AGAP1: variants seen among roughly 807,000 people sequenced by gnomAD.
AGAP1 encodes arf-GAP with GTPase, ANK repeat and PH domain-containing protein 1.
AGAP1 carries 29 observed loss-of-function variants against 105.3 expected under a neutral mutation model. That is an observed-to-expected ratio of 0.28 (90% CI 0.21 to 0.38). The LOEUF (loss-of-function observed/expected upper bound fraction) is 0.38, where lower values mean the gene tolerates loss of function less well. Among genes scored for constraint, AGAP1 ranks in the 10% least tolerant of loss-of-function variants. AGAP1 has a pLI of 1.00. For synonymous variants in AGAP1, 509 were observed against 485.9 expected (o/e 1.05, Z -0.63); for missense variants, 998 against 1,165.1 (o/e 0.86, Z 2.09).
chr2:235,763,057 T>TGTGTGCGCGCGCGC (rs953192018), intron 6 of AGAP1, among the ~76,000 whole-genome samples: 2 of 107,012 alleles, frequency 1.9e-5, no homozygotes, highest in South Asian at 2.5e-4. Context: ...TGTGTATGTG[T>TGTGTGCGCGCGCGC]GCGCGCGCGC....
chr2:236,065,282 G>A (rs183166977), intron 16 of AGAP1, among the ~76,000 whole-genome samples: 48 of 152,306 alleles, frequency 3.2e-4, no homozygotes, highest in African/African-American at 9.4e-4. Flanking sequence ...ACGTCCATTG[G>A]CTTTGAGTTA....
Position 235,707,472 on chromosome 2 carries a change from A to ACCCC in AGAP1, c.164-1696_164-1693dup, listed in dbSNP as rs1250772330. ...TTGCTGCACAGTTGCCCTCCCCATGACCCCCCCCCCCCCCGCCCAGAACAC... is the reference window on the plus strand; with the variant it reads ...TTGCTGCACAGTTGCCCTCCCCATGACCCCCCCCCCCCCCCCCCGCCCAGAACAC... On this transcript the variant is annotated intron_variant, in intron 1 of 17. Transcript: ENST00000304032. Among the ~76,000 whole-genome samples the ACCCC allele has an allele frequency of 9.5e-3, 212 of 22,408 alleles. 4 individuals carry two copies. The highest frequency in any genetic ancestry group is 0.015 in the Non-Finnish European group (110 of 7,450). The allele number at this position is 22,408 out of a possible 152,430, so 14.7% of individuals were successfully genotyped here.
chr2:235,785,765 A>C (rs1030739007), intron 6 of AGAP1, among the ~76,000 whole-genome samples: 5 of 152,246 alleles, frequency 3.3e-5, no homozygotes, highest in Admixed American at 3.3e-4. Context: ...ATCCTTTGCC[A>C]GTCACTTTTT....
chr2:235,694,710 C>T (rs542722845), intron 1 of AGAP1, among the ~76,000 whole-genome samples: 28 of 152,270 alleles, frequency 1.8e-4, no homozygotes, highest in African/African-American at 5.3e-4. Flanking sequence ...TGCTCCTCCT[C>T]GTCTTGCTCA....
In AGAP1 at chr2:235,605,376, A is replaced by G. The variant is rs1016225645; in HGVS notation, c.164-103803A>G. On this transcript the variant is annotated intron_variant, in intron 1 of 17. Coordinates refer to ENST00000304032, the MANE Select transcript of AGAP1 (RefSeq NM_001037131.3). ...GAGATTGTAACCACCCCGAGGCTGC[A>G]CAGCTAATACCCAGAGAGCAGAATT... Among the ~76,000 whole-genome samples the G allele has an allele frequency of 5.9e-5, 9 of 152,362 alleles. No individual in the cohort carries two copies. In the East Asian group the frequency reaches 1.4e-3, roughly 23 times the overall value.
chr2:236,097,804 A>G (rs760264855), intron 16 of AGAP1, among the ~76,000 whole-genome samples: 3 of 152,152 alleles, frequency 2.0e-5, no homozygotes, highest in Non-Finnish European at 4.4e-5. Flanking sequence ...GAAACTTTTT[A>G]CCTATTAAAT....
intron 12 of AGAP1, among the ~76,000 whole-genome samples, chr2:235,966,686 C>G (rs973305703): frequency 6.6e-6 from 1 of 152,132 alleles, no homozygotes; most frequent in Admixed American, 6.5e-5. Context: ...CTCATGGTGT[C>G]CAGTGCTGCC....
rs1575980853 is a variant in AGAP1, at chr2:235,988,524, G to A, written c.1645+19901G>A. Among the ~76,000 whole-genome samples, 1 of 152,048 alleles carries A rather than the reference G, an allele frequency of 6.6e-6. No individual in the cohort carries two copies. Among genetic ancestry groups the A allele is most frequent in the Non-Finnish European group, 1.5e-5 (1 of 68,024 alleles). ...AGCGTAAGTGTTCTCTGGCAGGTAT[G>A]GCTGTTTTTCTGAGCAGTAGGTACT... is the stretch of plus-strand genomic sequence containing the variant. On this transcript the variant is annotated intron_variant, in intron 13 of 17. Coordinates refer to ENST00000304032, the MANE Select transcript of AGAP1 (RefSeq NM_001037131.3). This position sits in a 1 kb window ranked among gnomAD's most constrained non-coding sequence, Gnocchi z 4.7.
Position 236,009,324 on chromosome 2 carries a change from G to C in AGAP1, c.1646-27237G>C, listed in dbSNP as rs1194267605. ...ACGGACAAAAGATCACGGGATACCGGGAGCACTAAACTGGAAGTGACACAA... is the reference window on the plus strand; with the variant it reads ...ACGGACAAAAGATCACGGGATACCGCGAGCACTAAACTGGAAGTGACACAA... On this transcript the variant is annotated intron_variant, in intron 13 of 17. Coordinates refer to ENST00000304032, the MANE Select transcript of AGAP1 (RefSeq NM_001037131.3). The surrounding 1 kb of genome is among the most constrained non-coding windows in gnomAD (Gnocchi z 4.2). Among the ~76,000 whole-genome samples, 1 of 152,106 alleles carries C rather than the reference G, an allele frequency of 6.6e-6. No homozygotes were observed. Among genetic ancestry groups the C allele is most frequent in the Admixed American group, 6.5e-5 (1 of 15,274 alleles).
intron 9 of AGAP1, among the ~76,000 whole-genome samples, chr2:235,838,354 T>C (rs948232052): frequency 1.3e-5 from 2 of 152,244 alleles, no homozygotes; most frequent in African/African-American, 2.4e-5. Context: ...CAAAGTGATT[T>C]TGCTAAAAGT....
At chr2:236,093,029 A>G (rs943950189) in intron 16 of AGAP1, among the ~76,000 whole-genome samples, 1 of 152,242 alleles carries the variant, frequency 6.6e-6, no homozygotes, top group Non-Finnish European at 1.5e-5. Flanking sequence ...ATTTTTAAAC[A>G]TGGGTCCACG....
chr2:235,517,944 A>AAAAAAAG lies in AGAP1; in HGVS notation c.163+23098_163+23099insAAAGAAA. On this transcript the variant is annotated intron_variant, in intron 1 of 17. Coordinates refer to ENST00000304032, the MANE Select transcript of AGAP1 (RefSeq NM_001037131.3). The surrounding 1 kb of genome is among the most constrained non-coding windows in gnomAD (Gnocchi z 4.1). ...TGAGACTCCGTTTCAAAAAAAAAAA[A>AAAAAAAG]AAAGAAAAAAAAAAGGTAGAACTCA... Among the ~76,000 whole-genome samples the AAAAAAAG allele has an allele frequency of 7.1e-6, 1 of 141,726 alleles. No homozygotes were observed. The highest frequency in any genetic ancestry group is 2.1e-4 in the East Asian group (1 of 4,864). 93.0% of individuals were successfully genotyped at this position (141,726 alleles called of 152,430 possible).
intron 1 of AGAP1, among the ~76,000 whole-genome samples, chr2:235,499,926 A>G (rs758359031): frequency 5.9e-5 from 9 of 152,140 alleles, no homozygotes; most frequent in Non-Finnish European, 1.2e-4. Flanking sequence ...GGTCCTTTCC[A>G]AAGCTCCTTC....
chr2:235,925,778 G>A (rs1451534282), intron 11 of AGAP1, among the ~76,000 whole-genome samples: 3 of 152,144 alleles, frequency 2.0e-5, no homozygotes, highest in Non-Finnish European at 4.4e-5. Context: ...GGACTGCTTC[G>A]AGCTGACCTG....
chr2:236,010,434 T>C (rs1488809764), intron 13 of AGAP1, among the ~76,000 whole-genome samples: 1 of 152,224 alleles, frequency 6.6e-6, no homozygotes, highest in Non-Finnish European at 1.5e-5. Context: ...TTGCTGTTTA[T>C]AACGATCAGA....
chr2:236,043,213 A>AT (rs1382178856), intron 15 of AGAP1, among the ~76,000 whole-genome samples: 1 of 152,232 alleles, frequency 6.6e-6, no homozygotes, highest in Non-Finnish European at 1.5e-5. Flanking sequence ...TCGACAATGT[A>AT]TATAAAAAGC....
rs899256940 is a variant in AGAP1 at position 236,105,732 on chromosome 2, T to C, written c.2115-14460T>C. ...CCTCAGCCTCCCGAGTAGCTGGGAC[T>C]ACAGGCGCCCGCCACCATGCCCGGC... is the stretch of plus-strand genomic sequence containing the variant. On this transcript the variant is annotated intron_variant, in intron 16 of 17. Transcript: ENST00000304032. The surrounding 1 kb of genome is among the most constrained non-coding windows in gnomAD (Gnocchi z 4.2). Among the ~76,000 whole-genome samples, 13 of 151,572 alleles carry C rather than the reference T, an allele frequency of 8.6e-5. No homozygotes were observed. The highest frequency in any genetic ancestry group is 1.5e-4 in the Non-Finnish European group (10 of 67,778).
At chr2:235,771,951 T>C (rs1292991438) in intron 6 of AGAP1, among the ~76,000 whole-genome samples, 1 of 152,100 alleles carries the variant, frequency 6.6e-6, no homozygotes, top group Admixed American at 6.5e-5. Flanking sequence ...AAATGCAATG[T>C]TCCGGAGCTG....
intron 10 of AGAP1, among the ~76,000 whole-genome samples, chr2:235,897,674 A>G (rs1258385276): frequency 6.6e-6 from 1 of 152,210 alleles, no homozygotes; most frequent in Non-Finnish European, 1.5e-5. Context: ...CACAAGGTAA[A>G]TAAATCAAAT....
Sources: gnomAD v4.1 joint callset for allele counts (sites outside exome capture counted in the v4.1 genomes callset) on GRCh38, gnomAD v4.1.1 for gene constraint, Gnocchi (gnomAD v3.1) non-coding constraint, MANE v1.5 for transcripts, NCBI Gene and HGNC (gene_info 2026-07-23, HGNC 2026-07-21) for gene names.